The following MINDY4 variants were observed in gnomAD, a reference collection of about 807,000 sequenced individuals.
MINDY4 encodes probable ubiquitin carboxyl-terminal hydrolase MINDY-4.
MINDY4 carries 68 observed loss-of-function variants against 87.0 expected under a neutral mutation model. The ratio of observed to expected loss-of-function variants is 0.78; its 90% CI spans 0.64 to 0.96. The LOEUF is 0.96. Among genes scored for constraint, MINDY4 ranks in the 40% least tolerant of loss-of-function variants. MINDY4 has a pLI of 0.00. For missense variants in MINDY4, 919 were observed against 928.2 expected (o/e 0.99, Z 0.13); for synonymous variants, 379 against 363.2 (o/e 1.04, Z -0.50).
At chr7:30,891,864 C>G in intron 17 of MINDY4, 93 bp from the exon 18 acceptor site, 5 of 1,328,128 alleles carry the variant, frequency 3.8e-6, no homozygotes, top group Non-Finnish European at 5.4e-6. Flanking sequence ...GCCTCCAAGA[C>G]AAAACCTTCA....
At chr7:30,820,808 G>A (rs1464814229) in intron 5 of MINDY4, among the ~76,000 whole-genome samples, 2 of 152,118 alleles carry the variant, frequency 1.3e-5, no homozygotes, top group African/African-American at 4.8e-5. Context: ...GAACATTTAC[G>A]CACATGTATT....
rs560383033 is a variant in MINDY4 at position 30,867,331 on chromosome 7, A to G, written c.1746-4912A>G. Among the ~76,000 whole-genome samples, 7 of 152,326 alleles carry G rather than the reference A, an allele frequency of 4.6e-5. No homozygotes were observed. In the South Asian group the frequency reaches 1.5e-3, roughly 32 times the overall value. On this transcript the variant is annotated intron_variant, in intron 13 of 17. Coordinates refer to ENST00000265299, the MANE Select transcript of MINDY4 (RefSeq NM_032222.3). ...CCGTGATATGAGTGGTTGAGATGGC[A>G]GGAATCATGACCTCTTGGTTATTGT...
intron 5 of MINDY4, among the ~76,000 whole-genome samples, chr7:30,810,906 T>A (rs1787976004): frequency 6.6e-6 from 1 of 152,188 alleles, no homozygotes; most frequent in African/African-American, 2.4e-5. Flanking sequence ...TATAAAGTCC[T>A]CTGTTGATGT....
At chr7:30,794,856 C>T (rs927261682) in intron 5 of MINDY4, among the ~76,000 whole-genome samples, 1 of 152,148 alleles carries the variant, frequency 6.6e-6, no homozygotes, top group Non-Finnish European at 1.5e-5. Flanking sequence ...TCTCTCTCTC[C>T]CTCTCGCTAG....
chr7:30,807,463 T>C (rs916564635), intron 5 of MINDY4, among the ~76,000 whole-genome samples: 2 of 151,530 alleles, frequency 1.3e-5, no homozygotes, highest in Non-Finnish European at 2.9e-5. Context: ...AGGAGTATAT[T>C]AAAAGAAGAA....
At chr7:30,805,263 G>T (rs1249423695) in intron 5 of MINDY4, among the ~76,000 whole-genome samples, 1 of 152,202 alleles carries the variant, frequency 6.6e-6, no homozygotes, top group African/African-American at 2.4e-5. Context: ...AGGACTGTGG[G>T]CCTGGAGGAA....
At chr7:30,846,434 A>G (rs1789221100) in intron 9 of MINDY4, among the ~76,000 whole-genome samples, 1 of 152,198 alleles carries the variant, frequency 6.6e-6, no homozygotes, top group Admixed American at 6.5e-5. Context: ...TTTTTCCTGC[A>G]CTTCACCTGT....
At chr7:30,891,856 C>A in intron 17 of MINDY4, 101 bp from the exon 18 acceptor site, 2 of 1,219,682 alleles carry the variant, frequency 1.6e-6, no homozygotes, top group Non-Finnish European at 1.2e-6. Flanking sequence ...TATTCAAAGC[C>A]TCCAAGACAA....
Position 30,771,464 on chromosome 7 carries a change from G to T in MINDY4, c.-30G>T, listed in dbSNP as rs1264080196. 2 of 1,592,982 alleles carry T rather than the reference G, an allele frequency of 1.3e-6. No homozygotes were observed. Among genetic ancestry groups the T allele is most frequent in the East Asian group, 2.3e-5 (1 of 44,112 alleles). ...TTGCCTGGTGCTGCGGCCCGGCGTG[G>T]GCCTCGTGGGCAGAGCCAGAGCCAG... is the stretch of plus-strand genomic sequence containing the variant. On this transcript the variant is annotated 5_prime_UTR_variant, in exon 1 of 18. Transcript: ENST00000265299.
intron 13 of MINDY4, 90 bp downstream of exon 13, chr7:30,859,414 C>G (rs1041341216): frequency 3.3e-6 from 4 of 1,195,952 alleles, no homozygotes; most frequent in Admixed American, 3.5e-5. Context: ...GTGCTTGGCA[C>G]ATGTTGAGGG....
chr7:30,889,041 G>C (rs557345350), intron 17 of MINDY4, among the ~76,000 whole-genome samples: 1 of 152,308 alleles, frequency 6.6e-6, no homozygotes, highest in East Asian at 1.9e-4. Flanking sequence ...AAGATAGAGA[G>C]GGGCGGGGTG....
At chr7:30,865,042 C>T (rs10242704) in intron 13 of MINDY4, among the ~76,000 whole-genome samples, 3,247 of 152,210 alleles carry the variant, frequency 0.021, 119 homozygotes, top group East Asian at 0.18. Context: ...ATGGGATGCT[C>T]GTCAGCTTAC....
At position 30,854,259 on chromosome 7, in the gene MINDY4, G is replaced by A. The variant is rs181113213; in HGVS notation, c.1677+800G>A. Among the ~76,000 whole-genome samples the A allele has an allele frequency of 1.4e-3, 206 of 152,372 alleles. 1 individual carries two copies. The highest frequency in any genetic ancestry group is 4.5e-3 in the African/African-American group (187 of 41,586). On this transcript the variant is annotated intron_variant, in intron 12 of 17. Coordinates refer to ENST00000265299, the MANE Select transcript of MINDY4 (RefSeq NM_032222.3). ...ACCTCACTTTCCTCATTTGTAAAAT[G>A]TGGGTCAGAAGAACAGTGCCTGCCT...
At chr7:30,822,143 C>G (rs1788352072) in intron 5 of MINDY4, among the ~76,000 whole-genome samples, 2 of 151,920 alleles carry the variant, frequency 1.3e-5, no homozygotes. Context: ...CCTCCACAAC[C>G]ACAGTACCCA....
At chr7:30,883,848 G>C (rs76047247) in intron 17 of MINDY4, among the ~76,000 whole-genome samples, 345 of 152,178 alleles carry the variant, frequency 2.3e-3, no homozygotes, top group African/African-American at 7.8e-3. Context: ...AGTCGCCTGG[G>C]TTCCAGCCCT....
chr7:30,779,518 T>C (rs1328761416), intron 2 of MINDY4: 1 of 152,174 alleles, frequency 6.6e-6, no homozygotes, highest in Non-Finnish European at 1.5e-5. Flanking sequence ...AGCAATAAAA[T>C]GATATCTCAT....
chr7:30,794,540 G>A (rs1330326912), intron 5 of MINDY4, among the ~76,000 whole-genome samples: 4 of 152,174 alleles, frequency 2.6e-5, no homozygotes, highest in African/African-American at 9.7e-5. Context: ...GATGCAACCT[G>A]CTGAGATGTT....
chr7:30,822,682 T>C (rs1788378151), intron 5 of MINDY4, among the ~76,000 whole-genome samples: 1 of 143,116 alleles, frequency 7.0e-6, no homozygotes, highest in Non-Finnish European at 1.5e-5. Context: ...CTTGCTAGGC[T>C]GGAGTGCAGT....
intron 2 of MINDY4, chr7:30,779,727 G>A (rs1786949277): frequency 6.6e-6 from 1 of 152,222 alleles, no homozygotes; most frequent in Non-Finnish European, 1.5e-5. Flanking sequence ...TAGGGATGAG[G>A]CTAGAACCAG....
Sources: gnomAD v4.1 joint callset for allele counts (sites outside exome capture counted in the v4.1 genomes callset) on GRCh38, gnomAD v4.1.1 for gene constraint, MANE v1.5 for transcripts, NCBI Gene and HGNC (gene_info 2026-07-23, HGNC 2026-07-21) for gene names.